The following LDB2 variants were observed in gnomAD, a reference collection of about 807,000 sequenced individuals.
LDB2 encodes LIM domain binding 2, also known as LIM domain-binding protein 2.
In LDB2, 12 loss-of-function variants were observed where a neutral mutation model predicts 44.3. The observed-to-expected ratio is 0.27, with a 90% CI of 0.17 to 0.44. The LOEUF is 0.44. Ranked by LOEUF, LDB2 falls within the 20% of genes least tolerant of loss-of-function variation. LDB2 has a pLI of 1.00. For missense variants in LDB2, 344 were observed against 473.5 expected (o/e 0.73, Z 2.54); for synonymous variants, 164 against 174.8 (o/e 0.94, Z 0.49).
intron 1 of LDB2, among the ~76,000 whole-genome samples, chr4:16,766,772 C>T (rs1269995841): frequency 6.6e-6 from 1 of 152,040 alleles, no homozygotes; most frequent in African/African-American, 2.4e-5. Flanking sequence ...TCCCAAAGTG[C>T]TGGGATTACA....
intron 2 of LDB2, among the ~76,000 whole-genome samples, chr4:16,692,345 T>C (rs1005621523): frequency 6.6e-6 from 1 of 152,122 alleles, no homozygotes; most frequent in East Asian, 1.9e-4. Context: ...ATCTGACGTC[T>C]TCTTAAGTCC....
intron 5 of LDB2, among the ~76,000 whole-genome samples, chr4:16,527,572 T>C (rs1359498732): frequency 8.5e-5 from 13 of 152,114 alleles, no homozygotes; most frequent in Admixed American, 8.5e-4. Flanking sequence ...AGCAGTCCCA[T>C]GTACCCAGAG....
chr4:16,834,891 C>T (rs188302860), intron 1 of LDB2, among the ~76,000 whole-genome samples: 2 of 151,544 alleles, frequency 1.3e-5, no homozygotes, highest in East Asian at 1.9e-4. Context: ...TATTGTACTC[C>T]CAGCATCCAT....
chr4:16,779,539 A>T (rs898150696), intron 1 of LDB2, among the ~76,000 whole-genome samples: 1 of 152,102 alleles, frequency 6.6e-6, no homozygotes, highest in Non-Finnish European at 1.5e-5. Context: ...GCCTCTTGGG[A>T]AGGAGTGGGA....
intron 5 of LDB2, among the ~76,000 whole-genome samples, chr4:16,523,756 G>C (rs771343305): frequency 7.9e-5 from 12 of 152,170 alleles, no homozygotes; most frequent in African/African-American, 1.2e-4. Context: ...ACAAAGGACA[G>C]TGTGGGGTTT....
intron 2 of LDB2, among the ~76,000 whole-genome samples, chr4:16,696,972 G>A (rs1326868307): frequency 6.6e-6 from 1 of 152,140 alleles, no homozygotes. Context: ...CACTTCTCCA[G>A]TAAACAGGAT....
At chr4:16,870,943 T>C (rs912747907) in intron 1 of LDB2, among the ~76,000 whole-genome samples, 1 of 152,134 alleles carries the variant, frequency 6.6e-6, no homozygotes, top group Non-Finnish European at 1.5e-5. Flanking sequence ...CTCCTTGCGT[T>C]CTTTAAACCC....
At chr4:16,692,804 T>C (rs906940613) in intron 2 of LDB2, among the ~76,000 whole-genome samples, 5 of 152,178 alleles carry the variant, frequency 3.3e-5, no homozygotes, top group East Asian at 3.9e-4. Flanking sequence ...TTATGGCTTA[T>C]TCGCTTTTGT....
intron 1 of LDB2, among the ~76,000 whole-genome samples, chr4:16,767,706 A>T (rs1769669114): frequency 6.6e-6 from 1 of 152,236 alleles, no homozygotes; most frequent in Non-Finnish European, 1.5e-5. Context: ...AGACAGGGGA[A>T]GTGGTTGTTG....
At chr4:16,889,098 C>CAT (rs1722585028) in intron 1 of LDB2, 1 of 151,872 alleles carries the variant, frequency 6.6e-6, no homozygotes, top group African/African-American at 2.4e-5. Flanking sequence ...CATAAACACA[C>CAT]ACACACACAC....
chr4:16,564,371 A>G (rs1478140394), intron 5 of LDB2, among the ~76,000 whole-genome samples: 1 of 152,158 alleles, frequency 6.6e-6, no homozygotes, highest in Non-Finnish European at 1.5e-5. Flanking sequence ...AGAAAAAAGA[A>G]AAAATAACAA....
At chr4:16,821,768 A>AAAAAAAAAAAAAC (rs1782113007) in intron 1 of LDB2, among the ~76,000 whole-genome samples, 1 of 150,204 alleles carries the variant, frequency 6.7e-6, no homozygotes, top group Admixed American at 6.7e-5. Flanking sequence ...AAAAAAAAAA[A>AAAAAAAAAAAAAC]AATCAGGAAT....
intron 1 of LDB2, among the ~76,000 whole-genome samples, chr4:16,806,931 T>C (rs1000503837): frequency 5.3e-5 from 8 of 152,198 alleles, no homozygotes; most frequent in Admixed American, 3.3e-4. Context: ...AGTGAGATAA[T>C]ACACAAAAAG....
chr4:16,793,869 T>G (rs1776231580), intron 1 of LDB2, among the ~76,000 whole-genome samples: 1 of 152,086 alleles, frequency 6.6e-6, no homozygotes, highest in Non-Finnish European at 1.5e-5. Flanking sequence ...CTATCCCCAT[T>G]TTACAGATAT....
At chr4:16,845,353 C>A (rs558821735) in intron 1 of LDB2, among the ~76,000 whole-genome samples, 27 of 152,272 alleles carry the variant, frequency 1.8e-4, no homozygotes, top group Non-Finnish European at 3.4e-4. Context: ...CATGGCCGCC[C>A]CTGTTTCCTT....
At chr4:16,641,994 T>A (rs550800306) in intron 2 of LDB2, among the ~76,000 whole-genome samples, 1 of 152,088 alleles carries the variant, frequency 6.6e-6, no homozygotes, top group Admixed American at 6.5e-5. Context: ...AAATTAAGTA[T>A]CCATAAGTAT....
At chr4:16,627,236 A>C (rs1413121559) in intron 2 of LDB2, among the ~76,000 whole-genome samples, 1 of 152,190 alleles carries the variant, frequency 6.6e-6, no homozygotes, top group East Asian at 1.9e-4. Flanking sequence ...TTATATGCTT[A>C]AAACATCTGG....
At chr4:16,728,273 A>G (rs1759963920) in intron 2 of LDB2, among the ~76,000 whole-genome samples, 2 of 152,180 alleles carry the variant, frequency 1.3e-5, no homozygotes. Flanking sequence ...TCATGCAACA[A>G]GAAGATCTCT....
At position 16,759,145 on chromosome 4, in the gene LDB2, ACTT is replaced by A; in HGVS notation, c.235+10_235+12del. On this transcript the variant is annotated intron_variant, in intron 2 of 7. Transcript: ENST00000304523. ...AAACGAGGTAATATTAGAAAAATAA[ACTT>A]CTTTCTTACTGTATCGCTTTGGTCC... 6.3e-7 allele frequency: 1 copy of A among 1,578,204 alleles called. No individual in the cohort carries two copies.
Sources: allele counts gnomAD v4.1 joint callset (sites outside exome capture counted in the v4.1 genomes callset), GRCh38; gene constraint gnomAD v4.1.1; transcripts MANE v1.5; gene names NCBI Gene and HGNC (gene_info 2026-07-23, HGNC 2026-07-21).